The following TRMT9B variants were observed in gnomAD, a reference collection of about 807,000 sequenced individuals.
TRMT9B encodes tRNA methyltransferase 9B (putative).
In TRMT9B, 16 loss-of-function variants were observed where a neutral mutation model predicts 11.5. That is an observed-to-expected ratio of 1.39 (90% CI 0.94 to 2.11). The LOEUF (loss-of-function observed/expected upper bound fraction) is 2.11. Among genes scored for constraint, TRMT9B ranks in the 30% most tolerant of loss-of-function variants. The pLI is 0.00. For missense variants in TRMT9B, 941 were observed against 553.8 expected (o/e 1.70, Z -7.02); for synonymous variants, 274 against 192.4 (o/e 1.42, Z -3.51).
Position 12,988,896 on chromosome 8 carries a change from C to A in TRMT9B, c.-199-1938C>A, listed in dbSNP as rs1378079787. ...TCACATTAGCTCAGGATGTATCCATCCCAGAAGTAAAGTTCTACTGCACTT... is the reference window on the plus strand; with the variant it reads ...TCACATTAGCTCAGGATGTATCCATACCAGAAGTAAAGTTCTACTGCACTT... On this transcript the variant is annotated intron_variant, in intron 1 of 4. Coordinates refer to ENST00000524591, the MANE Select transcript of TRMT9B (RefSeq NM_020844.3). Among the ~76,000 whole-genome samples the A allele has an allele frequency of 2.0e-5, 3 of 152,036 alleles. No individual in the cohort carries two copies. In the East Asian group the frequency reaches 5.8e-4, roughly 29 times the overall value.
intron 1 of TRMT9B, among the ~76,000 whole-genome samples, chr8:12,969,438 C>T (rs1053338624): frequency 2.0e-5 from 3 of 152,102 alleles, no homozygotes; most frequent in African/African-American, 7.2e-5. Flanking sequence ...TCTACCCCCA[C>T]ACCCCTGTAC....
chr8:12,948,821 A>G (rs1259240203), intron 1 of TRMT9B, among the ~76,000 whole-genome samples: 3 of 152,076 alleles, frequency 2.0e-5, no homozygotes, highest in Non-Finnish European at 4.4e-5. Flanking sequence ...TTAGCCGGGC[A>G]TGGTGGCAGG....
intron 1 of TRMT9B, among the ~76,000 whole-genome samples, chr8:12,989,034 T>C (rs1372845856): frequency 6.6e-6 from 1 of 152,204 alleles, no homozygotes; most frequent in African/African-American, 2.4e-5. Flanking sequence ...ATTCAGTTAA[T>C]ATTTGTTGAA....
At position 13,022,008 on chromosome 8, in the gene TRMT9B, G is replaced by T. The variant is rs1366170339; in HGVS notation, c.1329G>T (p.Trp443Cys). 1.2e-6 allele frequency: 2 copies of T among 1,607,530 alleles called. No homozygotes were observed. Among genetic ancestry groups the T allele is most frequent in the African/African-American group, 1.3e-5 (1 of 74,632 alleles). The change falls in exon 5 of 5, where the codon TGG becomes TGT. Residue 443 changes from tryptophan (W) to cysteine (C), a missense_variant. Transcript: ENST00000524591. ...ILSSGNDHGN[W>C]CIIAEKKRGC... ...GTTCTGGGAATGATCATGGTAACTG[G>T]TGTATCATTGCAGAGAAAAAGAGAG...
chr8:12,952,575 C>T lies in TRMT9B; in HGVS notation c.-200+6609C>T, dbSNP rs148834743. The stretch of plus-strand genomic sequence containing the variant: ...TGGATTCGTATTTTTTCATGGAGTG[C>T]ACGTGTATCTTTCCCTGGGGAACTG... On this transcript the variant is annotated intron_variant, in intron 1 of 4. Coordinates refer to ENST00000524591, the MANE Select transcript of TRMT9B (RefSeq NM_020844.3). 3.5e-3 allele frequency: 1,385 copies of T among 397,692 alleles called. 3 individuals carry two copies. The highest frequency in any genetic ancestry group is 8.2e-3 in the Middle Eastern group (7 of 850). The allele number at this position is 397,692 out of a possible 1,614,324, so 24.6% of individuals were successfully genotyped here. A position where few individuals can be genotyped will look rare whatever the true frequency, so the allele number is the denominator to read the frequency against.
intron 1 of TRMT9B, among the ~76,000 whole-genome samples, chr8:12,963,111 T>A (rs1173811191): frequency 3.3e-5 from 5 of 152,214 alleles, no homozygotes; most frequent in African/African-American, 4.8e-5. Context: ...TGGAGCTTTT[T>A]ATTACAGGTA....
chr8:13,015,679 A>T (rs982020941), intron 4 of TRMT9B, among the ~76,000 whole-genome samples: 1 of 152,130 alleles, frequency 6.6e-6, no homozygotes, highest in African/African-American at 2.4e-5. Flanking sequence ...CTGCAAGGCC[A>T]CCTATATCCA....
intron 3 of TRMT9B, among the ~76,000 whole-genome samples, chr8:13,009,838 C>G (rs1283962211): frequency 8.6e-5 from 13 of 152,028 alleles, no homozygotes; most frequent in Admixed American, 8.5e-4. Flanking sequence ...ACAAATTACA[C>G]TACAGATAGG....
At chr8:12,978,175 A>G (rs766648425) in intron 1 of TRMT9B, among the ~76,000 whole-genome samples, 1 of 152,194 alleles carries the variant, frequency 6.6e-6, no homozygotes, top group Non-Finnish European at 1.5e-5. Flanking sequence ...TGAGCAAATA[A>G]TGTGCATAAC....
At chr8:12,988,223 T>C (rs999358603) in intron 1 of TRMT9B, among the ~76,000 whole-genome samples, 1 of 152,164 alleles carries the variant, frequency 6.6e-6, no homozygotes, top group South Asian at 2.1e-4. Context: ...TCACTCCCCC[T>C]TCCCACTCCA....
rs1814444671 is a variant in TRMT9B at position 13,024,457 on chromosome 8, TTGAATTA to T, written c.*2419_*2425del. On this transcript the variant is annotated 3_prime_UTR_variant, in exon 5 of 5. Transcript: ENST00000524591. The stretch of plus-strand genomic sequence containing the variant: ...TCTTACAACTCGGGCTTGACGGCCT[TTGAATTA>T]TGAATGGATTGTTCCTCTCTCTGAA... 3.6e-5 allele frequency: 6 copies of T among 167,130 alleles called. No homozygotes were observed. 10.4% of individuals were successfully genotyped at this position (167,130 alleles called of 1,614,324 possible). A position where few individuals can be genotyped will look rare whatever the true frequency, so the allele number is the denominator to read the frequency against.
chr8:12,998,125 T>C lies in TRMT9B; in HGVS notation c.-2+7094T>C, dbSNP rs370757151. Among the ~76,000 whole-genome samples the C allele has an allele frequency of 5.3e-5, 8 of 152,354 alleles. No homozygotes were observed. In the East Asian group the frequency reaches 1.2e-3, roughly 22 times the overall value. On this transcript the variant is annotated intron_variant, in intron 2 of 4. Coordinates refer to ENST00000524591, the MANE Select transcript of TRMT9B (RefSeq NM_020844.3). ...TACTCTGTGATTTGTAAGAATTGTT[T>C]ATATTCTGGATACTACTCAATTGTC...
Position 12,987,781 on chromosome 8 carries a change from A to G in TRMT9B, c.-199-3053A>G, listed in dbSNP as rs1032735371. ...CCTTAAACGTGCTCAGAACATTTAC[A>G]TTAGCCGACAGCTGGGCAAAATCAC... On this transcript the variant is annotated intron_variant, in intron 1 of 4. Transcript: ENST00000524591. 1.1e-4 allele frequency among the ~76,000 whole-genome samples: 16 copies of G among 152,324 alleles called. 1 individual carries two copies. Among genetic ancestry groups the G allele is most frequent in the Admixed American group, 7.8e-4 (12 of 15,298 alleles).
intron 4 of TRMT9B, among the ~76,000 whole-genome samples, chr8:13,019,771 C>CAGCAG (rs1415719899): frequency 6.6e-6 from 1 of 152,160 alleles, no homozygotes; most frequent in African/African-American, 2.4e-5. Flanking sequence ...GAGTGGGTGG[C>CAGCAG]AGCAGTCTGA....
At chr8:12,952,241 A>G (rs773655593) in intron 1 of TRMT9B, 6 of 437,668 alleles carry the variant, frequency 1.4e-5, no homozygotes, top group South Asian at 9.6e-5. Flanking sequence ...AGGGGAGCGG[A>G]GAGAAGCTTC....
intron 2 of TRMT9B, among the ~76,000 whole-genome samples, chr8:13,004,840 G>A (rs1198877174): frequency 6.6e-6 from 1 of 152,016 alleles, no homozygotes; most frequent in Admixed American, 6.5e-5. Flanking sequence ...CGGCCACAGT[G>A]GGGAAGGGGT....
chr8:12,979,297 A>C (rs2128872284), intron 1 of TRMT9B, among the ~76,000 whole-genome samples: 1 of 152,206 alleles, frequency 6.6e-6, no homozygotes, highest in Middle Eastern at 3.4e-3. Flanking sequence ...AATTCAAGTA[A>C]TTTGGCAGCC....
At position 13,023,671 on chromosome 8, in the gene TRMT9B, T is replaced by A. The variant is rs1345551710; in HGVS notation, c.*1627T>A. ...AATTGACATCTGACAAGAGTCTTTTTACTTTATGCTGGATGAAAATCCAAA... is the reference window on the plus strand; with the variant it reads ...AATTGACATCTGACAAGAGTCTTTTAACTTTATGCTGGATGAAAATCCAAA... On this transcript the variant is annotated 3_prime_UTR_variant, in exon 5 of 5. Coordinates refer to ENST00000524591, the MANE Select transcript of TRMT9B (RefSeq NM_020844.3). The A allele has an allele frequency of 1.2e-5, 2 of 167,120 alleles. No individual in the cohort carries two copies. Among genetic ancestry groups the A allele is most frequent in the African/African-American group, 4.8e-5 (2 of 41,462 alleles). 10.4% of individuals were successfully genotyped at this position (167,120 alleles called of 1,614,324 possible).
At chr8:13,016,926 A>T (rs1585399807) in intron 4 of TRMT9B, among the ~76,000 whole-genome samples, 2 of 150,726 alleles carry the variant, frequency 1.3e-5, no homozygotes, top group Admixed American at 1.3e-4. Flanking sequence ...GGAGTTTGAG[A>T]CCAGCCTGGC....
Sources: gnomAD v4.1 joint callset for allele counts (sites outside exome capture counted in the v4.1 genomes callset) on GRCh38, gnomAD v4.1.1 for gene constraint, MANE v1.5 for transcripts, NCBI Gene and HGNC (gene_info 2026-07-23, HGNC 2026-07-21) for gene names.